The following GPX5 variants were observed in gnomAD, a reference collection of about 807,000 sequenced individuals.
GPX5 encodes the protein glutathione peroxidase 5, also known as epididymal secretory glutathione peroxidase.
In GPX5, 20 loss-of-function variants were observed where a neutral mutation model predicts 23.8. The observed-to-expected ratio is 0.84, with a 90% confidence interval of 0.59 to 1.22. The LOEUF (loss-of-function observed/expected upper bound fraction) is 1.22. Among genes scored for constraint, GPX5 ranks in the 50% most tolerant of loss-of-function variants. GPX5 has a pLI of 0.00. For missense variants in GPX5, 230 were observed against 266.6 expected, an observed-to-expected ratio of 0.86 and a Z score of 0.96; for synonymous variants, 92 against 99.5, an observed-to-expected ratio of 0.92 and a Z score of 0.45.
rs1562010394 is a variant in GPX5 at position 28,531,386 on chromosome 6, AAAAAAAAGAAAAGAAAAGAAAAG to A, written c.242-387_242-365del. 3.3e-5 allele frequency among the ~76,000 whole-genome samples: 4 copies of A among 122,404 alleles called. 1 individual carries two copies. Among genetic ancestry groups the A allele is most frequent in the African/African-American group, 1.2e-4 (4 of 32,582 alleles). 80.3% of individuals were successfully genotyped at this position (122,404 alleles called of 152,430 possible). On this transcript the variant is annotated intron_variant, in intron 2 of 4. Transcript: ENST00000412168. ...AATCTGTCTCAAAAAAAAAAAAAAA[AAAAAAAAGAAAAGAAAAGAAAAG>A]AAAAGAAAAGAAAAGAAAAGTCACC...
Position 28,531,907 on chromosome 6 carries a change from C to T in GPX5, c.359+12C>T. 6.3e-7 allele frequency: 1 copy of T among 1,577,448 alleles called. No homozygotes were observed. Among genetic ancestry groups the T allele is most frequent in the Non-Finnish European group, 8.7e-7 (1 of 1,147,074 alleles). ...CTTCCTGGGCTCAAGTACGTGTCTT[C>T]TTGAAATCCAATAGGAGGCGCCTGT... On this transcript the variant is annotated intron_variant, in intron 3 of 4. Coordinates refer to ENST00000412168, the MANE Select transcript of GPX5 (RefSeq NM_001509.3).
Position 28,525,967 on chromosome 6 carries a change from G to A in GPX5, c.-47G>A, listed in dbSNP as rs1763200078. On this transcript the variant is annotated 5_prime_UTR_variant, in exon 1 of 5. Coordinates refer to ENST00000412168, the MANE Select transcript of GPX5 (RefSeq NM_001509.3). ...CAAGATACCAAAAGACTGCAGAGGT[G>A]GGCAAAGACCTCAGGCCCCCAGACT... 1 of 1,377,626 alleles carries A rather than the reference G, an allele frequency of 7.3e-7. No homozygotes were observed. Among genetic ancestry groups the A allele is most frequent in the Admixed American group, 1.7e-5 (1 of 59,696 alleles). 85.3% of individuals were successfully genotyped at this position (1,377,626 alleles called of 1,614,324 possible).
chr6:28,526,259 A>G (rs1285434348), intron 1 of GPX5, among the ~76,000 whole-genome samples, 159 bp downstream of exon 1: 1 of 151,822 alleles, frequency 6.6e-6, no homozygotes, highest in Non-Finnish European at 1.5e-5. Context: ...CTTCATTCCT[A>G]TGGATGGGTA....
chr6:28,526,445 T>TG (rs1763210026), intron 1 of GPX5, among the ~76,000 whole-genome samples: 1 of 152,150 alleles, frequency 6.6e-6, no homozygotes, highest in Non-Finnish European at 1.5e-5. Context: ...AGGTGGGGAC[T>TG]GGGGTTTGGA....
rs754183737 is a variant in GPX5, at chr6:28,529,823, G to A, written c.241+219G>A. Among the ~76,000 whole-genome samples, 8 of 152,230 alleles carry A rather than the reference G, an allele frequency of 5.3e-5. No homozygotes were observed. In the East Asian group the frequency reaches 5.8e-4, roughly 11 times the overall value. On this transcript the variant is annotated intron_variant, in intron 2 of 4. Coordinates refer to ENST00000412168, the MANE Select transcript of GPX5 (RefSeq NM_001509.3). ...AACAAAGTTTTATTGGAATGCAGCC[G>A]TCCCCGTTCATTTACACATCACCTA...
At chr6:28,526,226 G>A in intron 1 of GPX5, 126 bp downstream of exon 1, 3 of 731,096 alleles carry the variant, frequency 4.1e-6, no homozygotes, top group Non-Finnish European at 7.1e-6. Context: ...CCTAAACCTT[G>A]CTTTTTTTTC....
chr6:28,531,537 C>T (rs1403480565), intron 2 of GPX5, among the ~76,000 whole-genome samples: 2 of 152,086 alleles, frequency 1.3e-5, no homozygotes. Context: ...AAAGGGCCTT[C>T]AGCTGATTCT....
intron 1 of GPX5, 112 bp downstream of exon 1, chr6:28,526,212 T>C: frequency 1.2e-6 from 1 of 834,566 alleles, no homozygotes; most frequent in Non-Finnish European, 2.0e-6. Flanking sequence ...TCTTTGCCAG[T>C]TCCCCTAAAC....
chr6:28,529,809 A>G (rs1763278733), intron 2 of GPX5, among the ~76,000 whole-genome samples: 2 of 152,160 alleles, frequency 1.3e-5, no homozygotes, highest in South Asian at 4.1e-4. Context: ...ACAAAGTTTT[A>G]TTGGAATGCA....
At chr6:28,529,045 C>T (rs866745210) in intron 1 of GPX5, among the ~76,000 whole-genome samples, 1 of 151,502 alleles carries the variant, frequency 6.6e-6, no homozygotes. Flanking sequence ...ACTATAGTCA[C>T]CCTGTTGTGC....
Position 28,529,584 on chromosome 6 carries a change from G to T in GPX5, c.221G>T (p.Gly74Val). The T allele has an allele frequency of 6.2e-7, 1 of 1,610,402 alleles. No homozygotes were observed. The change falls in exon 2 of 5, where the codon GGT becomes GTT. Residue 74 changes from glycine to valine, a missense_variant. Physicochemically the swap from Gly to Val is moderately radical, Grantham distance 109. Transcript: ENST00000412168. ...ILFVNVATYCGLTAQYPELNA... is the reference protein window; with the variant it reads ...ILFVNVATYCVLTAQYPELNA... ...TTCGTCAACGTGGCCACCTACTGTG[G>T]TCTGACAGCGCAATATCCTGGTAAG...
intron 1 of GPX5, chr6:28,528,343 G>T (rs1355570180): frequency 6.6e-6 from 1 of 152,056 alleles, no homozygotes; most frequent in Non-Finnish European, 1.5e-5. Flanking sequence ...TTTACTCATG[G>T]GGAAACTGAA....
At chr6:28,528,845 A>G (rs367695990) in intron 1 of GPX5, among the ~76,000 whole-genome samples, 208 of 6,526 alleles carry the variant, frequency 0.032, 25 homozygotes, top group Admixed American at 0.068. Flanking sequence ...ATATATATAT[A>G]TATATATATA....
intron 2 of GPX5, among the ~76,000 whole-genome samples, chr6:28,531,381 AAAAAAAAAAAAAG>A (rs1763311994): frequency 7.4e-6 from 1 of 134,340 alleles, no homozygotes; most frequent in Non-Finnish European, 1.6e-5. Flanking sequence ...AAAAAAAAAA[AAAAAAAAAAAAAG>A]AAAAGAAAAG....
intron 1 of GPX5, chr6:28,528,302 T>G (rs1016045684): frequency 1.3e-5 from 2 of 152,052 alleles, no homozygotes; most frequent in African/African-American, 4.8e-5. Flanking sequence ...CCACTTGGAG[T>G]TCTAGTAAGA....
rs1407482690 is a variant in GPX5, at chr6:28,534,332, C to T, written c.*165C>T. On this transcript the variant is annotated 3_prime_UTR_variant, in exon 5 of 5. Coordinates refer to ENST00000412168, the MANE Select transcript of GPX5 (RefSeq NM_001509.3). ...ATACTGCCAGAATTCCCACTCTCCA[C>T]AAACTAGATTTATATTTGGAAGGCT... 4.1e-6 allele frequency: 2 copies of T among 484,238 alleles called. No individual in the cohort carries two copies. The highest frequency in any genetic ancestry group is 2.0e-5 in the African/African-American group (1 of 50,556). 30.0% of individuals were successfully genotyped at this position (484,238 alleles called of 1,614,324 possible). A position where few individuals can be genotyped will look rare whatever the true frequency, so the allele number is the denominator to read the frequency against.
rs986317860 is a variant in GPX5, at chr6:28,534,345, T to C, written c.*178T>C. On this transcript the variant is annotated 3_prime_UTR_variant, in exon 5 of 5. Transcript: ENST00000412168. ...TCCCACTCTCCACAAACTAGATTTA[T>C]ATTTGGAAGGCTACTGCTCTTTTGC... 6.4e-6 allele frequency: 3 copies of C among 471,462 alleles called. No homozygotes were observed. Among genetic ancestry groups the C allele is most frequent in the Middle Eastern group, 5.5e-4 (1 of 1,820 alleles). The allele number at this position is 471,462 out of a possible 1,614,324, so 29.2% of individuals were successfully genotyped here. A position where few individuals can be genotyped will look rare whatever the true frequency, so the allele number is the denominator to read the frequency against.
At chr6:28,532,521 G>A in intron 4 of GPX5, 101 bp downstream of exon 4, 1 of 777,730 alleles carries the variant, frequency 1.3e-6, no homozygotes. Flanking sequence ...CCAGAGGTGG[G>A]ATTGGTCTTT....
At chr6:28,533,371 A>T (rs1304087474) in intron 4 of GPX5, among the ~76,000 whole-genome samples, 2 of 152,190 alleles carry the variant, frequency 1.3e-5, no homozygotes, top group African/African-American at 2.4e-5. Context: ...CCTGGGCGAC[A>T]CAGCGAGACT....
Sources: gnomAD v4.1 joint callset for allele counts (sites outside exome capture counted in the v4.1 genomes callset) on GRCh38, gnomAD v4.1.1 for gene constraint, MANE v1.5 for transcripts, NCBI Gene and HGNC (gene_info 2026-07-23, HGNC 2026-07-21) for gene names.